FGF14: variants seen among roughly 807,000 people sequenced by gnomAD.
FGF14 encodes fibroblast growth factor 14, also known as fibroblast growth factor homologous factor 4.
A neutral mutation model predicts 25.5 loss-of-function variants in FGF14; 5 were observed. The ratio of observed to expected loss-of-function variants is 0.20; its 90% CI spans 0.10 to 0.41. The LOEUF is 0.41. FGF14 is among the 10% of genes least tolerant of loss of function. FGF14 has a pLI of 1.00. For synonymous variants in FGF14, 138 were observed against 118.3 expected (o/e 1.17, Z -1.08); for missense variants, 222 against 320.1 (o/e 0.69, Z 2.34).
chr13:102,047,106 T>A (rs2042016580), intron 1 of FGF14, among the ~76,000 whole-genome samples: 1 of 152,150 alleles, frequency 6.6e-6, no homozygotes, highest in African/African-American at 2.4e-5. Context: ...TAAAACTGAA[T>A]AAATAGTATA....
intron 1 of FGF14, among the ~76,000 whole-genome samples, chr13:101,950,528 A>T (rs1594805865): frequency 6.6e-6 from 1 of 152,144 alleles, no homozygotes; most frequent in Non-Finnish European, 1.5e-5. Context: ...CTTCAGAAAT[A>T]CTCAATTAAA....
intron 1 of FGF14, among the ~76,000 whole-genome samples, chr13:102,276,598 G>A (rs1473429492): frequency 1.3e-5 from 2 of 151,870 alleles, no homozygotes; most frequent in African/African-American, 2.4e-5. Flanking sequence ...GAAAGCCTTT[G>A]GTGCATTATT....
intron 1 of FGF14, among the ~76,000 whole-genome samples, chr13:102,185,977 A>G (rs1260439369): frequency 6.6e-6 from 1 of 152,214 alleles, no homozygotes; most frequent in Non-Finnish European, 1.5e-5. Context: ...CCAAATGAAA[A>G]TAATAATAAT....
chr13:101,953,361 A>G (rs555813531), intron 1 of FGF14, among the ~76,000 whole-genome samples: 10 of 152,024 alleles, frequency 6.6e-5, no homozygotes, highest in African/African-American at 2.2e-4. Context: ...GAACACCCTG[A>G]GTGTTTAACC....
rs35520744 is a variant in FGF14, at chr13:102,140,043, A to ACCC, written c.208+261425_208+261427dup. Reference sequence around the variant, plus strand: ...GCAGCTTTAGGTCAAACTCTTCAAGACCCCCCCCCCCCCTTACAGCAGTAA... The same window carrying ACCC: ...GCAGCTTTAGGTCAAACTCTTCAAGACCCCCCCCCCCCCCCCTTACAGCAGTAA... On this transcript the variant is annotated intron_variant, in intron 1 of 4. Coordinates refer to the FGF14 transcript ENST00000376131. 1.4e-3 allele frequency among the ~76,000 whole-genome samples: 116 copies of ACCC among 82,452 alleles called. 4 individuals carry two copies. The highest frequency in any genetic ancestry group is 5.4e-3 in the African/African-American group (108 of 20,106). 54.1% of individuals were successfully genotyped at this position (82,452 alleles called of 152,430 possible). A position where few individuals can be genotyped will look rare whatever the true frequency, so the allele number is the denominator to read the frequency against.
intron 1 of FGF14, among the ~76,000 whole-genome samples, chr13:102,054,128 C>T (rs2042330264): frequency 6.6e-6 from 1 of 152,102 alleles, no homozygotes; most frequent in African/African-American, 2.4e-5. Flanking sequence ...AAATTTGAGG[C>T]ACAGAAAACC....
At chr13:101,741,026 T>G (rs911227816) in intron 3 of FGF14, among the ~76,000 whole-genome samples, 14 of 152,184 alleles carry the variant, frequency 9.2e-5, no homozygotes, top group African/African-American at 2.4e-4. Flanking sequence ...ACATCACCAC[T>G]GAAACATAAG....
chr13:101,872,976 A>G (rs1447225525), intron 2 of FGF14, among the ~76,000 whole-genome samples: 1 of 152,094 alleles, frequency 6.6e-6, no homozygotes, highest in East Asian at 1.9e-4. Flanking sequence ...GAGTGTCAGA[A>G]GAAATTTCAA....
rs1191264604 is a variant in FGF14 at position 101,819,516 on chromosome 13, T to C, written c.408+49209A>G. On this transcript the variant is annotated intron_variant, in intron 3 of 4. Coordinates refer to ENST00000376143, the MANE Select transcript of FGF14 (RefSeq NM_004115.4). The stretch of plus-strand genomic sequence containing the variant: ...TCCATTATATTCTACCTATCAGTGA[T>C]GTAAAAGTAAACTTAAATTACAAGT... Among the ~76,000 whole-genome samples, 7 of 152,204 alleles carry C rather than the reference T, an allele frequency of 4.6e-5. No homozygotes were observed. In the East Asian group the frequency reaches 9.6e-4, roughly 21 times the overall value.
chr13:101,997,408 G>A (rs1437687403), intron 1 of FGF14, among the ~76,000 whole-genome samples: 1 of 152,162 alleles, frequency 6.6e-6, no homozygotes, highest in Non-Finnish European at 1.5e-5. Context: ...AGACAACTAT[G>A]TCCTATTTAC....
At chr13:101,919,661 CAGCAGA>C (rs1431942581), upstream of FGF14, among the ~76,000 whole-genome samples, 8 of 152,014 alleles carry the variant, frequency 5.3e-5, no homozygotes, top group African/African-American at 1.9e-4. Context: ...CTACCTCTCC[CAGCAGA>C]AGCAAGTTCG....
chr13:101,891,680 A>G (rs1293642600), intron 1 of FGF14, among the ~76,000 whole-genome samples: 1 of 152,062 alleles, frequency 6.6e-6, no homozygotes, highest in Non-Finnish European at 1.5e-5. Flanking sequence ...ATGTATTTCT[A>G]TATATATACA....
At chr13:102,271,538 T>C (rs1439985242) in intron 1 of FGF14, among the ~76,000 whole-genome samples, 1 of 152,196 alleles carries the variant, frequency 6.6e-6, no homozygotes, top group Non-Finnish European at 1.5e-5. Flanking sequence ...ACGAATTCTT[T>C]TGGAAAGCCC....
intron 1 of FGF14, among the ~76,000 whole-genome samples, chr13:102,312,654 G>A (rs1461877327): frequency 6.6e-6 from 1 of 152,170 alleles, no homozygotes; most frequent in African/African-American, 2.4e-5. Context: ...TAAAGGGATA[G>A]AGACATCAGT....
rs139037869 is a variant in FGF14 at position 102,340,440 on chromosome 13, T to TACACAC, written c.208+61025_208+61030dup. 4.7e-3 allele frequency among the ~76,000 whole-genome samples: 700 copies of TACACAC among 148,690 alleles called. 3 individuals carry two copies. Among genetic ancestry groups the TACACAC allele is most frequent in the African/African-American group, 0.013 (539 of 40,818 alleles). On this transcript the variant is annotated intron_variant, in intron 1 of 4. Transcript: ENST00000376131. Reference sequence around the variant, plus strand: ...ACATCCTTGCCACAGTACAAACACATACACACACACACACACACACACGCC... The same window carrying TACACAC: ...ACATCCTTGCCACAGTACAAACACATACACACACACACACACACACACACACACGCC...
At chr13:102,208,714 A>C (rs561579669) in intron 1 of FGF14, among the ~76,000 whole-genome samples, 32 of 152,272 alleles carry the variant, frequency 2.1e-4, no homozygotes, top group Non-Finnish European at 3.4e-4. Context: ...AGTTTATCCT[A>C]CCTCACACTT....
intron 1 of FGF14, among the ~76,000 whole-genome samples, chr13:102,288,150 A>G (rs1216841446): frequency 6.6e-6 from 1 of 152,092 alleles, no homozygotes; most frequent in Non-Finnish European, 1.5e-5. Context: ...CAGCTTTTTT[A>G]TTTTCCTCAA....
intron 1 of FGF14, among the ~76,000 whole-genome samples, chr13:101,989,059 T>G (rs2038754855): frequency 6.6e-6 from 1 of 152,040 alleles, no homozygotes; most frequent in African/African-American, 2.4e-5. Context: ...CCAGTCTTCC[T>G]CAGTTTTTCA....
intron 1 of FGF14, among the ~76,000 whole-genome samples, chr13:102,286,122 C>T (rs1414564113): frequency 6.6e-6 from 1 of 152,158 alleles, no homozygotes; most frequent in Non-Finnish European, 1.5e-5. Flanking sequence ...TAAGTAGTCT[C>T]GTTCATGAAT....
Sources: allele counts gnomAD v4.1 joint callset (sites outside exome capture counted in the v4.1 genomes callset), GRCh38; gene constraint gnomAD v4.1.1; transcripts MANE v1.5; gene names NCBI Gene and HGNC (gene_info 2026-07-23, HGNC 2026-07-21).